Variants in ARHGAP6 observed in about 807,000 individuals in gnomAD.
ARHGAP6 encodes Rho GTPase activating protein 6, also known as rho GTPase-activating protein 6.
In ARHGAP6, 16 loss-of-function variants were observed where a neutral mutation model predicts 55.7. The ratio of observed to expected loss-of-function variants is 0.29; its 90% CI spans 0.19 to 0.44. The LOEUF (loss-of-function observed/expected upper bound fraction) is 0.44. Ranked by LOEUF, ARHGAP6 falls within the 20% of genes least tolerant of loss-of-function variation. The pLI is 1.00. For missense variants in ARHGAP6, 698 were observed against 808.9 expected, an observed-to-expected ratio of 0.86 and a Z score of 1.66; for synonymous variants, 382 against 360.9, an observed-to-expected ratio of 1.06 and a Z score of -0.66.
intron 1 of ARHGAP6, among the ~76,000 whole-genome samples, chrX:11,535,139 T>A (rs1001330506): frequency 9.0e-6 from 1 of 111,548 alleles, no homozygotes; most frequent in Non-Finnish European, 1.9e-5. Flanking sequence ...AAGTGGCCCC[T>A]CTCTCCAGTT....
At chrX:11,366,188 A>G (rs984454765) in intron 1 of ARHGAP6, among the ~76,000 whole-genome samples, 1 of 112,201 alleles carries the variant, frequency 8.9e-6, no homozygotes, top group Admixed American at 9.5e-5. Context: ...TTCAGTCCAT[A>G]AAACCATCTC....
chrX:11,445,636 T>C (rs1052199267), intron 1 of ARHGAP6, among the ~76,000 whole-genome samples: 1 of 111,913 alleles, frequency 8.9e-6, no homozygotes, highest in Non-Finnish European at 1.9e-5. Flanking sequence ...TTGCAACATC[T>C]TATTAGGGCA....
intron 8 of ARHGAP6, among the ~76,000 whole-genome samples, chrX:11,175,956 C>A (rs765599317): frequency 4.6e-5 from 5 of 107,561 alleles, no homozygotes; most frequent in Non-Finnish European, 9.6e-5. Context: ...GGGGACCAAC[C>A]CAACCCATTA....
chrX:11,176,774 C>A (rs753724469), intron 8 of ARHGAP6, among the ~76,000 whole-genome samples: 3 of 111,373 alleles, frequency 2.7e-5, no homozygotes, highest in Non-Finnish European at 3.8e-5. Flanking sequence ...TTATAGTATG[C>A]CCATCAAAGA....
rs768600571 is a variant in ARHGAP6 at position 11,523,345 on chromosome X, C to G, written c.588+140896G>C. 9.9e-4 allele frequency among the ~76,000 whole-genome samples: 110 copies of G among 111,050 alleles called. 1 individual carries two copies. In the South Asian group the frequency reaches 0.013, roughly 14 times the overall value. On this transcript the variant is annotated intron_variant, in intron 1 of 12. Transcript: ENST00000337414. ...GGCACAAGACAGGGATGCCCTCTCT[C>G]ACCACTCCTATTCAACATAGTGTTG...
intron 1 of ARHGAP6, among the ~76,000 whole-genome samples, chrX:11,466,067 A>C (rs1305310678): frequency 1.8e-5 from 2 of 110,918 alleles, no homozygotes; most frequent in Non-Finnish European, 3.8e-5. Context: ...GACTTTCCTG[A>C]TCCACTCAAA....
rs56197001 is a variant in ARHGAP6, at chrX:11,399,354, CAAA to C, written c.589-144650_589-144648del. The stretch of plus-strand genomic sequence containing the variant: ...CAGTTCCTGCCACACAATAAGCAAT[CAAA>C]AAAAAAAAAAAAAAAAAAAACCACT... On this transcript the variant is annotated intron_variant, in intron 1 of 12. Transcript: ENST00000337414. Among the ~76,000 whole-genome samples, 86 of 35,333 alleles carry C rather than the reference CAAA, an allele frequency of 2.4e-3. 1 individual carries two copies. Among genetic ancestry groups the C allele is most frequent in the African/African-American group, 8.8e-3 (82 of 9,369 alleles). The allele number at this position is 35,333 out of a possible 115,157, so 30.7% of individuals were successfully genotyped here. A position where few individuals can be genotyped will look rare whatever the true frequency, so the allele number is the denominator to read the frequency against.
intron 1 of ARHGAP6, among the ~76,000 whole-genome samples, chrX:11,504,506 C>G (rs5935085): frequency 0.12 from 12,912 of 111,693 alleles, 749 homozygotes; most frequent in African/African-American, 0.21. Context: ...AAGAATCCGT[C>G]TCTTAACTAT....
intron 1 of ARHGAP6, among the ~76,000 whole-genome samples, chrX:11,629,952 T>C (rs188944029): frequency 3.6e-5 from 4 of 111,631 alleles, no homozygotes; most frequent in Non-Finnish European, 7.5e-5. Context: ...AGCAGGCATA[T>C]GGCACTTTCA....
At chrX:11,522,599 T>A (rs1322889057) in intron 1 of ARHGAP6, among the ~76,000 whole-genome samples, 1 of 111,647 alleles carries the variant, frequency 9.0e-6, no homozygotes, top group African/African-American at 3.3e-5. Flanking sequence ...CAGAGAATAC[T>A]ATAAACACCT....
Position 11,340,677 on chromosome X carries a change from C to T in ARHGAP6, c.589-85970G>A, listed in dbSNP as rs967674783. On this transcript the variant is annotated intron_variant, in intron 1 of 12. Coordinates refer to ENST00000337414, the MANE Select transcript of ARHGAP6 (RefSeq NM_013427.3). ...CCGGGAAGCGGAGCTTGCAGTGAGC[C>T]GAGATCGCGCCACTGCACTCCAGCC... Among the ~76,000 whole-genome samples the T allele has an allele frequency of 7.5e-5, 8 of 106,725 alleles. No homozygotes were observed. The East Asian group carries it at 2.3e-3, about 31-fold the overall frequency. 92.7% of individuals were successfully genotyped at this position (106,725 alleles called of 115,157 possible). A position where few individuals can be genotyped will look rare whatever the true frequency, so the allele number is the denominator to read the frequency against.
chrX:11,501,907 A>T (rs192282829), intron 1 of ARHGAP6, among the ~76,000 whole-genome samples: 1 of 111,735 alleles, frequency 8.9e-6, no homozygotes, highest in East Asian at 2.8e-4. Flanking sequence ...GAAAATCTAC[A>T]TACAAGTGGA....
intron 1 of ARHGAP6, chrX:11,334,918 C>T (rs186238879): frequency 5.3e-4 from 73 of 138,822 alleles, no homozygotes; most frequent in Non-Finnish European, 2.0e-4. Flanking sequence ...TCCTCCATAG[C>T]ACCCGTGAAG....
At chrX:11,210,539 A>T (rs1166392156) in intron 2 of ARHGAP6, among the ~76,000 whole-genome samples, 1 of 112,668 alleles carries the variant, frequency 8.9e-6, no homozygotes, top group East Asian at 2.8e-4. Context: ...AAGGATTTGA[A>T]TGGTATTTCT....
intron 2 of ARHGAP6, among the ~76,000 whole-genome samples, chrX:11,207,805 C>T (rs1331509842): frequency 9.0e-6 from 1 of 111,705 alleles, no homozygotes; most frequent in Non-Finnish European, 1.9e-5. Context: ...AACCTGAAAA[C>T]CACAGTTTTA....
chrX:11,234,638 C>G (rs1211881974), intron 2 of ARHGAP6, among the ~76,000 whole-genome samples: 4 of 112,277 alleles, frequency 3.6e-5, no homozygotes, highest in African/African-American at 1.3e-4. Context: ...AAAAACTAAG[C>G]ATAGTCTTAC....
At chrX:11,487,991 C>T (rs757556530) in intron 1 of ARHGAP6, among the ~76,000 whole-genome samples, 1 of 112,336 alleles carries the variant, frequency 8.9e-6, no homozygotes, top group Non-Finnish European at 1.9e-5. Flanking sequence ...ATATCAAAAA[C>T]ATATAACTTG....
intron 1 of ARHGAP6, among the ~76,000 whole-genome samples, chrX:11,503,982 A>G (rs1213412374): frequency 1.8e-5 from 2 of 111,337 alleles, no homozygotes; most frequent in Non-Finnish European, 3.8e-5. Flanking sequence ...GCCCTACAAG[A>G]TATATTTCTC....
intron 8 of ARHGAP6, among the ~76,000 whole-genome samples, chrX:11,174,691 CATTT>C (rs1268912462): frequency 8.3e-5 from 4 of 48,372 alleles, no homozygotes; most frequent in East Asian, 5.5e-4. Context: ...TTCTTTCATT[CATTT>C]ATTTATTTTT....
Sources: gnomAD v4.1 joint callset for allele counts (sites outside exome capture counted in the v4.1 genomes callset) on GRCh38, gnomAD v4.1.1 for gene constraint, MANE v1.5 for transcripts, NCBI Gene and HGNC (gene_info 2026-07-23, HGNC 2026-07-21) for gene names.